CCDC91: variants seen among roughly 807,000 people sequenced by gnomAD.
CCDC91 encodes coiled-coil domain-containing protein 91.
A neutral mutation model predicts 63.2 loss-of-function variants in CCDC91; 48 were observed. The ratio of observed to expected loss-of-function variants is 0.76; its 90% CI spans 0.60 to 0.97. The LOEUF (loss-of-function observed/expected upper bound fraction) is 0.97. Ranked by LOEUF, CCDC91 falls within the 50% of genes least tolerant of loss-of-function variation. The probability of loss-of-function intolerance (pLI) is 0.00; values close to 1 mark genes in which losing one functional copy is unlikely to be tolerated. For missense variants in CCDC91, 500 were observed against 494.6 expected, an observed-to-expected ratio of 1.01 and a Z score of -0.10; for synonymous variants, 167 against 165.8, an observed-to-expected ratio of 1.01 and a Z score of -0.06.
intron 3 of CCDC91, among the ~76,000 whole-genome samples, chr12:28,293,995 TAC>T (rs1949401879): frequency 1.3e-5 from 2 of 152,172 alleles, no homozygotes; most frequent in African/African-American, 4.8e-5. Flanking sequence ...GCATTTTTAG[TAC>T]TTGTGGAGTG....
At chr12:28,319,903 A>G (rs2137385165) in intron 6 of CCDC91, among the ~76,000 whole-genome samples, 1 of 151,934 alleles carries the variant, frequency 6.6e-6, no homozygotes, top group African/African-American at 2.4e-5. Flanking sequence ...AAATCCCTGG[A>G]TGCAGTACCT....
intron 3 of CCDC91, among the ~76,000 whole-genome samples, chr12:28,286,730 A>G (rs1362735043): frequency 6.6e-6 from 1 of 152,170 alleles, no homozygotes; most frequent in Non-Finnish European, 1.5e-5. Flanking sequence ...ATTCCCAGTA[A>G]TGGGGGGACT....
intron 1 of CCDC91, among the ~76,000 whole-genome samples, chr12:28,225,555 A>G (rs1437588357): frequency 6.6e-6 from 1 of 151,806 alleles, no homozygotes; most frequent in Non-Finnish European, 1.5e-5. Flanking sequence ...GGTTCAAGTG[A>G]TTCTCCAGCC....
At chr12:28,203,325 G>A (rs1426917763) in intron 1 of CCDC91, among the ~76,000 whole-genome samples, 5 of 152,164 alleles carry the variant, frequency 3.3e-5, no homozygotes, top group Non-Finnish European at 5.9e-5. Context: ...CTTGCTTTAT[G>A]GAGGAAAGGA....
intron 7 of CCDC91, among the ~76,000 whole-genome samples, chr12:28,370,468 C>T (rs1257478351): frequency 6.6e-6 from 1 of 152,200 alleles, no homozygotes; most frequent in Non-Finnish European, 1.5e-5. Context: ...TTGTCCATAT[C>T]AGTGTCAGCA....
intron 8 of CCDC91, among the ~76,000 whole-genome samples, chr12:28,421,281 ATTTGG>A (rs1947990908): frequency 6.6e-6 from 1 of 151,976 alleles, no homozygotes; most frequent in African/African-American, 2.4e-5. Context: ...TGTCGTGGGG[ATTTGG>A]TATATAGATT....
At chr12:28,300,323 C>G (rs1937923473) in intron 3 of CCDC91, among the ~76,000 whole-genome samples, 1 of 151,502 alleles carries the variant, frequency 6.6e-6, no homozygotes, top group South Asian at 2.1e-4. Flanking sequence ...TATTTATTAA[C>G]AAGCCCATCT....
At chr12:28,313,227 T>A (rs11049525) in intron 6 of CCDC91, among the ~76,000 whole-genome samples, 30,449 of 151,896 alleles carry the variant, frequency 0.2, 3,996 homozygotes, top group Non-Finnish European at 0.3. Flanking sequence ...GTATCCTAAA[T>A]AAAGCAAAAC....
chr12:28,421,369 C>A (rs1175093284), intron 8 of CCDC91, among the ~76,000 whole-genome samples: 1 of 152,116 alleles, frequency 6.6e-6, no homozygotes, highest in South Asian at 2.1e-4. Context: ...CCACCCTCCA[C>A]CCTCAGGTAG....
intron 3 of CCDC91, among the ~76,000 whole-genome samples, chr12:28,263,941 T>C (rs1235093779): frequency 6.6e-6 from 1 of 151,926 alleles, no homozygotes; most frequent in East Asian, 1.9e-4. Context: ...TTCAAAAATA[T>C]ATTAATCTCA....
intron 12 of CCDC91, among the ~76,000 whole-genome samples, chr12:28,523,737 G>A (rs1157931034): frequency 1.3e-5 from 2 of 152,126 alleles, no homozygotes; most frequent in African/African-American, 4.8e-5. Context: ...CAGGTTTAGT[G>A]CTTCCTTCAG....
intron 1 of CCDC91, among the ~76,000 whole-genome samples, chr12:28,233,464 GAA>G (rs1000816185): frequency 1.4e-4 from 22 of 152,094 alleles, no homozygotes; most frequent in Non-Finnish European, 2.1e-4. Context: ...TTATTGGTGA[GAA>G]AATTTCTGTG....
At position 28,535,961 on chromosome 12, in the gene CCDC91, G is replaced by A. The variant is rs531267363; in HGVS notation, c.1216-13102G>A. Among the ~76,000 whole-genome samples the A allele has an allele frequency of 6.5e-3, 983 of 151,576 alleles. 12 individuals carry two copies. The highest frequency in any genetic ancestry group is 0.022 in the African/African-American group (909 of 41,318). ...GGAGAATGGCATGAACCCGGGAGGC[G>A]TAGCTTGCAGTCAGCCGAGATAGCA... On this transcript the variant is annotated intron_variant, in intron 12 of 12. Coordinates refer to ENST00000536442, the MANE Select transcript of CCDC91 (RefSeq NM_018318.5).
chr12:28,354,718 T>A (rs1943411422), intron 6 of CCDC91, among the ~76,000 whole-genome samples: 1 of 152,220 alleles, frequency 6.6e-6, no homozygotes, highest in South Asian at 2.1e-4. Flanking sequence ...TCCTTTCTGC[T>A]TCTGGGGTTA....
chr12:28,410,932 C>A (rs533549765), intron 8 of CCDC91, among the ~76,000 whole-genome samples: 2 of 151,734 alleles, frequency 1.3e-5, no homozygotes, highest in African/African-American at 2.4e-5. Flanking sequence ...TTCATTATTC[C>A]CTCATGTTTT....
At chr12:28,203,163 G>A (rs1287984309) in intron 1 of CCDC91, among the ~76,000 whole-genome samples, 1 of 152,202 alleles carries the variant, frequency 6.6e-6, no homozygotes, top group African/African-American at 2.4e-5. Flanking sequence ...ACTGGGGATA[G>A]AGGGATGAGA....
rs76403276 is a variant in CCDC91 at position 28,459,260 on chromosome 12, A to G, written c.1101+6606A>G. Among the ~76,000 whole-genome samples, 458 of 152,254 alleles carry G rather than the reference A, an allele frequency of 3.0e-3. 2 individuals carry two copies. Among genetic ancestry groups the G allele is most frequent in the Non-Finnish European group, 4.1e-3 (277 of 68,010 alleles). ...ATTAAATCAAGTGCTCCTCTTGAGC[A>G]TTCAGTATATAACTGTACCACTGCT... is the stretch of plus-strand genomic sequence containing the variant. On this transcript the variant is annotated intron_variant, in intron 11 of 12. Transcript: ENST00000536442.
At chr12:28,262,016 C>T (rs193238710) in intron 3 of CCDC91, among the ~76,000 whole-genome samples, 1 of 152,068 alleles carries the variant, frequency 6.6e-6, no homozygotes, top group East Asian at 1.9e-4. Flanking sequence ...TATCTTTTTC[C>T]TTTGTTAGTT....
chr12:28,494,621 G>A (rs1376508314), intron 12 of CCDC91, among the ~76,000 whole-genome samples: 2 of 151,656 alleles, frequency 1.3e-5, no homozygotes, highest in African/African-American at 2.4e-5. Flanking sequence ...GTTGTCATAC[G>A]TGATGGTGAG....
Sources: gnomAD v4.1 joint callset for allele counts (sites outside exome capture counted in the v4.1 genomes callset) on GRCh38, gnomAD v4.1.1 for gene constraint, MANE v1.5 for transcripts, NCBI Gene and HGNC (gene_info 2026-07-23, HGNC 2026-07-21) for gene names.